Variants in GOT2 observed in about 807,000 individuals in gnomAD.
GOT2 encodes the protein aspartate aminotransferase, mitochondrial.
GOT2 carries 17 observed loss-of-function variants against 50.0 expected under a neutral mutation model. The ratio of observed to expected loss-of-function variants is 0.34; its 90% CI spans 0.23 to 0.51. The LOEUF is 0.51. GOT2 is among the 20% of genes least tolerant of loss of function. The pLI is 0.97. For synonymous variants in GOT2, 172 were observed against 204.9 expected (o/e 0.84, Z 1.37); for missense variants, 430 against 559.6 (o/e 0.77, Z 2.34).
rs2044629689 is a variant in GOT2, at chr16:58,709,531, A to G, written c.1056T>C (p.Ile352=). The change falls in exon 9 of 10, where the codon ATT becomes ATC. Residue 352 remains isoleucine (I), a synonymous_variant. Coordinates refer to ENST00000245206, the MANE Select transcript of GOT2 (RefSeq NM_002080.4). ...QEVKVMADRI[I]GMRTQLVSNL... ...TGGAGACCAGTTGAGTCCGCATGCC[A>G]ATGATGCGGTCAGCCATGACTTTCA... The G allele has an allele frequency of 6.2e-7, 1 of 1,612,510 alleles. No individual in the cohort carries two copies. Among genetic ancestry groups the G allele is most frequent in the Non-Finnish European group, 8.5e-7 (1 of 1,178,702 alleles).
intron 6 of GOT2, among the ~76,000 whole-genome samples, chr16:58,717,230 C>A (rs2044701641): frequency 6.6e-6 from 1 of 151,968 alleles, no homozygotes; most frequent in Non-Finnish European, 1.5e-5. Flanking sequence ...GAAGAATTAG[C>A]CAGGCAGGTG....
intron 1 of GOT2, among the ~76,000 whole-genome samples, chr16:58,731,248 G>C (rs751924284): frequency 2.1e-4 from 32 of 152,012 alleles, no homozygotes; most frequent in Non-Finnish European, 4.1e-4. Flanking sequence ...AGGCTCGAGC[G>C]ACCCTCCCAC....
At chr16:58,722,302 T>A (rs372495011) in intron 2 of GOT2, 24 bp from the exon 3 acceptor site, 36 of 1,609,484 alleles carry the variant, frequency 2.2e-5, no homozygotes, top group Non-Finnish European at 2.8e-5. Context: ...AATACATCCA[T>A]TGAATTTCTT....
chr16:58,729,220 T>A (rs1333244656), intron 1 of GOT2, among the ~76,000 whole-genome samples: 1 of 147,260 alleles, frequency 6.8e-6, no homozygotes, highest in Non-Finnish European at 1.5e-5. Flanking sequence ...CTTTCATTAT[T>A]ACTTATCCAC....
chr16:58,722,266 T>A lies in GOT2; in HGVS notation c.259A>T (p.Ile87Phe). Reference sequence around the variant, plus strand: ...TCCTTGTCCAAATTTTTTGCGGCAATCTGGGCCTCTGCCTAGACAAGAGAA... The same window carrying A: ...TCCTTGTCCAAATTTTTTGCGGCAAACTGGGCCTCTGCCTAGACAAGAGAA... ...LPSVRKAEAQ[I>F]AAKNLDKEYL... Residue 87 changes from isoleucine (I) to phenylalanine (F), a missense_variant, in exon 3 of 10, where the codon ATT becomes TTT. Transcript: ENST00000245206. 1 of 1,613,706 alleles carries A rather than the reference T, an allele frequency of 6.2e-7. No homozygotes were observed. Among genetic ancestry groups the A allele is most frequent in the Non-Finnish European group, 8.5e-7 (1 of 1,179,822 alleles).
rs1383797919 is a variant in GOT2, at chr16:58,722,181, C to T, written c.344G>A (p.Gly115Asp). The change falls in exon 3 of 10, where the codon GGT (glycine) becomes GAT (aspartate). Residue 115 changes from glycine (G) to aspartate (D), a missense_variant. Coordinates refer to ENST00000245206, the MANE Select transcript of GOT2 (RefSeq NM_002080.4). ...ACTCTTCAAGACTTCGCTGTTCTCACCCAGGGCTAGTTCTGCAGATGCCTT... is the reference window on the plus strand; with the variant it reads ...ACTCTTCAAGACTTCGCTGTTCTCATCCAGGGCTAGTTCTGCAGATGCCTT... ...FCKASAELALGENSEVLKSGR... is the reference protein window; with the variant it reads ...FCKASAELALDENSEVLKSGR... 2 of 1,612,296 alleles carry T rather than the reference C, an allele frequency of 1.2e-6. No homozygotes were observed. The highest frequency in any genetic ancestry group is 1.7e-5 in the Admixed American group (1 of 60,012).
chr16:58,708,483 T>G (rs1438745382), intron 9 of GOT2, among the ~76,000 whole-genome samples, 190 bp from the exon 10 acceptor site: 1 of 152,118 alleles, frequency 6.6e-6, no homozygotes, highest in African/African-American at 2.4e-5. Context: ...CTCACACTTG[T>G]AATCCCAGCT....
intron 8 of GOT2, 92 bp downstream of exon 8, chr16:58,715,922 T>C: frequency 1.0e-6 from 1 of 956,254 alleles, no homozygotes; most frequent in Non-Finnish European, 1.6e-6. Context: ...ATCTATGGGG[T>C]ACTGTATATC....
At chr16:58,708,695 C>A (rs967280467) in intron 9 of GOT2, among the ~76,000 whole-genome samples, 3 of 151,774 alleles carry the variant, frequency 2.0e-5, no homozygotes, top group South Asian at 2.1e-4. Context: ...GAAAAAGACA[C>A]CTTTAGATTC....
At chr16:58,725,904 C>T (rs574537821) in intron 1 of GOT2, among the ~76,000 whole-genome samples, 1 of 152,316 alleles carries the variant, frequency 6.6e-6, no homozygotes, top group Admixed American at 6.5e-5. Flanking sequence ...AGCAGCAATT[C>T]TCAAACTTTG....
In GOT2 at chr16:58,716,645, C is replaced by A; in HGVS notation, c.853+18G>T. The A allele has an allele frequency of 6.2e-7, 1 of 1,610,858 alleles. No homozygotes were observed. The highest frequency in any genetic ancestry group is 1.1e-5 in the South Asian group (1 of 90,858). ...TCCCAGCATGAGAGCATGTGTCATG[C>A]TGGATGCTGTAGCTTACCATATAAG... is the stretch of plus-strand genomic sequence containing the variant. On this transcript the variant is annotated intron_variant, in intron 7 of 9. Transcript: ENST00000245206.
chr16:58,723,414 A>G (rs2044755953), intron 2 of GOT2, among the ~76,000 whole-genome samples: 1 of 152,188 alleles, frequency 6.6e-6, no homozygotes, highest in African/African-American at 2.4e-5. Flanking sequence ...TATTCCTCTC[A>G]ACAAGAGACA....
At chr16:58,719,721 T>G (rs1204624623) in intron 3 of GOT2, among the ~76,000 whole-genome samples, 2 of 151,992 alleles carry the variant, frequency 1.3e-5, no homozygotes, top group African/African-American at 2.4e-5. Context: ...TGCCATTGCA[T>G]TCTAGCATGG....
intron 1 of GOT2, among the ~76,000 whole-genome samples, chr16:58,733,575 T>C (rs2044852260): frequency 6.7e-6 from 1 of 149,320 alleles, no homozygotes; most frequent in Non-Finnish European, 1.5e-5. Context: ...CCTCGGGGGG[T>C]CGCAAGGTCA....
intron 3 of GOT2, 157 bp downstream of exon 3, chr16:58,721,993 T>C: frequency 3.2e-6 from 2 of 619,704 alleles, no homozygotes; most frequent in East Asian, 2.9e-5. Context: ...TTAATCAGGC[T>C]GGTCTCGAAC....
rs2044617507 is a variant in GOT2 at position 58,708,094 on chromosome 16, C to T, written c.*77G>A. On this transcript the variant is annotated 3_prime_UTR_variant, in exon 10 of 10. Coordinates refer to ENST00000245206, the MANE Select transcript of GOT2 (RefSeq NM_002080.4). Reference sequence around the variant, plus strand: ...ATCCACTCACCACCATCCACCCTCTCTCATTGTCTGTGTGAAGCTCTCAAT... The same window carrying T: ...ATCCACTCACCACCATCCACCCTCTTTCATTGTCTGTGTGAAGCTCTCAAT... 1 of 1,434,482 alleles carries T rather than the reference C, an allele frequency of 7.0e-7. No homozygotes were observed. The highest frequency in any genetic ancestry group is 9.7e-7 in the Non-Finnish European group (1 of 1,035,696). The allele number at this position is 1,434,482 out of a possible 1,614,324, so 88.9% of individuals were successfully genotyped here.
At chr16:58,724,907 C>A (rs1292269840) in intron 1 of GOT2, among the ~76,000 whole-genome samples, 1 of 152,122 alleles carries the variant, frequency 6.6e-6, no homozygotes, top group African/African-American at 2.4e-5. Flanking sequence ...TTCCACGATT[C>A]CATCTAGGAC....
rs2044857474 is a variant in GOT2, at chr16:58,734,042, T to C, written c.89+98A>G. 5.7e-6 allele frequency: 3 copies of C among 528,494 alleles called. No individual in the cohort carries two copies. The East Asian group carries it at 1.0e-4, about 18-fold the overall frequency. 32.7% of individuals were successfully genotyped at this position (528,494 alleles called of 1,614,324 possible). ...GTGTGTGTGCGTGTGAGTGACAGTG[T>C]GTATTTGGGGGCCGGGAGGGGTGAA... On this transcript the variant is annotated intron_variant, in intron 1 of 9. Transcript: ENST00000245206.
chr16:58,711,015 C>T (rs999664492), intron 8 of GOT2, among the ~76,000 whole-genome samples: 1 of 148,414 alleles, frequency 6.7e-6, no homozygotes, highest in African/African-American at 2.5e-5. Flanking sequence ...ACTCTAAAAC[C>T]TACTAAGATT....
Sources: gnomAD v4.1 joint callset for allele counts (sites outside exome capture counted in the v4.1 genomes callset) on GRCh38, gnomAD v4.1.1 for gene constraint, MANE v1.5 for transcripts, NCBI Gene and HGNC (gene_info 2026-07-23, HGNC 2026-07-21) for gene names.